The following RANBP2 variants were observed in gnomAD, a reference collection of about 807,000 sequenced individuals.
RANBP2 encodes E3 SUMO-protein ligase RanBP2.
A neutral mutation model predicts 303.6 loss-of-function variants in RANBP2; 57 were observed. The observed-to-expected ratio is 0.19, with a 90% CI of 0.15 to 0.23. The LOEUF (loss-of-function observed/expected upper bound fraction) is 0.23. Among genes scored for constraint, RANBP2 ranks in the 10% least tolerant of loss-of-function variants. The pLI, the probability that RANBP2 is intolerant of heterozygous loss-of-function variation, is 1.00. For missense variants in RANBP2, 3,138 were observed against 3,780.8 expected, an observed-to-expected ratio of 0.83 and a Z score of 4.46; for synonymous variants, 1,167 against 1,301.5, an observed-to-expected ratio of 0.90 and a Z score of 2.23.
At chr2:109,214,517 C>T in the RANBP2 span, among the ~76,000 whole-genome samples, 1 of 150,982 alleles carries the variant, frequency 6.6e-6, no homozygotes, top group Non-Finnish European at 1.5e-5. Flanking sequence ...CAGGCCCTGG[C>T]GTAGAAGACC....
At chr2:109,117,741 G>GCTGTAGACGGGAC in the RANBP2 span, among the ~76,000 whole-genome samples, 1 of 152,190 alleles carries the variant, frequency 6.6e-6, no homozygotes, top group African/African-American at 2.4e-5. Flanking sequence ...CACGTTGGGA[G>GCTGTAGACGGGAC]CTGTAGACGG....
Position 108,772,570 on chromosome 2 carries a change from A to G in RANBP2, c.8102A>G (p.Glu2701Gly). Residue 2701 changes from glutamate (E) to glycine (G), a missense_variant, in exon 22 of 29, where the codon GAA becomes GGA. Glu to Gly is a moderately conservative substitution (Grantham distance 98, BLOSUM62 -2). Transcript: ENST00000283195. ...TCAGAAAAATGTAGACCCTTGGAAG[A>G]AAATACAGCAGGTATGTTAAGTGTA... ...DGSEKCRPLE[E>G]NTADNEKECI... The G allele has an allele frequency of 6.2e-7, 1 of 1,613,550 alleles. No individual in the cohort carries two copies. Among genetic ancestry groups the G allele is most frequent in the Non-Finnish European group, 8.5e-7 (1 of 1,179,564 alleles).
chr2:109,724,155 G>A, the RANBP2 span, among the ~76,000 whole-genome samples: 1 of 151,980 alleles, frequency 6.6e-6, no homozygotes, highest in African/African-American at 2.4e-5. Context: ...GCACCATGCT[G>A]TTTTGGTTAC....
At chr2:109,357,189 G>GT in the RANBP2 span, among the ~76,000 whole-genome samples, 4,520 of 147,140 alleles carry the variant, frequency 0.031, 161 homozygotes, top group African/African-American at 0.088. Flanking sequence ...TTGTTTTTTG[G>GT]TTTTTTTTTT....
intron 14 of RANBP2, 79 bp from the exon 15 acceptor site, chr2:108,753,746 A>G: frequency 1.2e-6 from 2 of 1,609,880 alleles, no homozygotes; most frequent in Non-Finnish European, 1.7e-6. Flanking sequence ...GATTACAGGC[A>G]TGAGCCACCA....
the RANBP2 span, among the ~76,000 whole-genome samples, chr2:109,397,153 A>G: frequency 6.6e-6 from 1 of 152,152 alleles, no homozygotes; most frequent in Non-Finnish European, 1.5e-5. Flanking sequence ...AGAATGTGCC[A>G]GGCCTGCACA....
chr2:109,103,940 C>T, the RANBP2 span, among the ~76,000 whole-genome samples: 1 of 152,056 alleles, frequency 6.6e-6, no homozygotes, highest in East Asian at 1.9e-4. Flanking sequence ...ACTACAGGCG[C>T]CCGCCACCAC....
At chr2:108,893,598 C>T in the RANBP2 span, among the ~76,000 whole-genome samples, 1 of 151,300 alleles carries the variant, frequency 6.6e-6, no homozygotes, top group East Asian at 1.9e-4. Context: ...GCTTAAAAAA[C>T]AAAACAAAAC....
At chr2:109,655,713 G>A in the RANBP2 span, among the ~76,000 whole-genome samples, 1 of 152,144 alleles carries the variant, frequency 6.6e-6, no homozygotes, top group Non-Finnish European at 1.5e-5. Flanking sequence ...TGAACTGTTT[G>A]TGTGGTCTCT....
the RANBP2 span, among the ~76,000 whole-genome samples, chr2:108,913,201 G>A: frequency 5.3e-5 from 8 of 151,812 alleles, no homozygotes; most frequent in Non-Finnish European, 1.0e-4. Context: ...TGCCCGCCTC[G>A]GCCTCCCAAA....
intron 13 of RANBP2, 31 bp downstream of exon 13, chr2:108,753,190 G>A: frequency 1.2e-6 from 2 of 1,611,412 alleles, no homozygotes; most frequent in Non-Finnish European, 1.7e-6. Context: ...ATTTATTGGA[G>A]ATGGGAATTT....
the RANBP2 span, among the ~76,000 whole-genome samples, chr2:109,464,008 C>T: frequency 6.6e-6 from 1 of 152,116 alleles, no homozygotes; most frequent in East Asian, 1.9e-4. Context: ...TCGGGAGGGT[C>T]CCCAATTCAC....
At chr2:109,288,703 G>A in the RANBP2 span, among the ~76,000 whole-genome samples, 1 of 152,180 alleles carries the variant, frequency 6.6e-6, no homozygotes, top group African/African-American at 2.4e-5. Flanking sequence ...CTGGGAGATT[G>A]CTGGACCTGA....
At chr2:108,868,150 A>G in the RANBP2 span, among the ~76,000 whole-genome samples, 2 of 152,248 alleles carry the variant, frequency 1.3e-5, no homozygotes, top group Admixed American at 6.5e-5. Flanking sequence ...ATGTTGGCAG[A>G]TAAATAATTA....
chr2:108,923,246 T>C, the RANBP2 span: 1 of 949,396 alleles, frequency 1.1e-6, no homozygotes, highest in Non-Finnish European at 1.7e-6. Context: ...GCACTTTCAC[T>C]AGTGCTGTTA....
At chr2:109,367,141 T>TTG in the RANBP2 span, among the ~76,000 whole-genome samples, 1 of 150,610 alleles carries the variant, frequency 6.6e-6, no homozygotes, top group Non-Finnish European at 1.5e-5. Flanking sequence ...TTTTTTTTTT[T>TTG]TTAGTAGAGA....
At chr2:109,202,160 A>G in the RANBP2 span, among the ~76,000 whole-genome samples, 1 of 152,140 alleles carries the variant, frequency 6.6e-6, no homozygotes, top group Non-Finnish European at 1.5e-5. Flanking sequence ...CAGCTTGTAG[A>G]TGAACACGGG....
At chr2:108,874,236 G>A in the RANBP2 span, among the ~76,000 whole-genome samples, 5 of 152,204 alleles carry the variant, frequency 3.3e-5, no homozygotes, top group South Asian at 1.0e-3. Flanking sequence ...AATGAAGCAA[G>A]CAGAAGAGAT....
the RANBP2 span, among the ~76,000 whole-genome samples, chr2:108,831,969 G>T: frequency 5.3e-5 from 8 of 152,022 alleles, no homozygotes; most frequent in Non-Finnish European, 1.2e-4. Flanking sequence ...CTGACCTCAG[G>T]TGATCCACCC....
Sources: gnomAD v4.1 joint callset for allele counts (sites outside exome capture counted in the v4.1 genomes callset) on GRCh38, gnomAD v4.1.1 for gene constraint, MANE v1.5 for transcripts, NCBI Gene and HGNC (gene_info 2026-07-23, HGNC 2026-07-21) for gene names.